ASIC4: variants seen among roughly 807,000 people sequenced by gnomAD.
ASIC4 encodes acid-sensing ion channel 4.
In ASIC4, 28 loss-of-function variants were observed where a neutral mutation model predicts 53.4. The observed-to-expected ratio is 0.52, with a 90% CI of 0.39 to 0.72. The LOEUF is 0.72. ASIC4 is among the 30% of genes least tolerant of loss of function. ASIC4 has a pLI of 0.00. For synonymous variants in ASIC4, 289 were observed against 301.4 expected (o/e 0.96, Z 0.43); for missense variants, 649 against 729.7 (o/e 0.89, Z 1.27).
At chr2:219,512,415 T>C (rs1259230306), upstream of ASIC4, among the ~76,000 whole-genome samples, 2 of 152,132 alleles carry the variant, frequency 1.3e-5, no homozygotes, top group Non-Finnish European at 2.9e-5. Context: ...AGTTTCCCGC[T>C]TTCTTGGCAA....
chr2:219,516,130 T>TCACA lies in ASIC4; in HGVS notation c.582+827_582+828insACAC, dbSNP rs138379580. 6.0e-3 allele frequency among the ~76,000 whole-genome samples: 914 copies of TCACA among 152,098 alleles called. 3 individuals are homozygous for TCACA. Among genetic ancestry groups the TCACA allele is most frequent in the African/African-American group, 7.2e-3 (300 of 41,484 alleles). On this transcript the variant is annotated intron_variant, in intron 1 of 9. Transcript: ENST00000358078. The surrounding 1 kb of genome is among the most constrained non-coding windows in gnomAD (Gnocchi z 4.9). Reference sequence around the variant, plus strand: ...CACAGTTTCCTGCACACTCCCTCTCTCACTCACTGTCCCTGTCACTACACT... The same window carrying TCACA: ...CACAGTTTCCTGCACACTCCCTCTCTCACACACTCACTGTCCCTGTCACTACACT...
rs1695183657 is a variant in ASIC4, at chr2:219,538,297, G to A, written c.*251G>A. 1.2e-5 allele frequency: 6 copies of A among 505,844 alleles called. No individual in the cohort carries two copies. In the Admixed American group the frequency reaches 1.5e-4, roughly 12 times the overall value. The allele number at this position is 505,844 out of a possible 1,614,324, so 31.3% of individuals were successfully genotyped here. ...GGCCATGGGCCCTCACGGAGAGGAA[G>A]GGAAGGAAGGAGAGGGAGGGGGAGG... On this transcript the variant is annotated 3_prime_UTR_variant, in exon 10 of 10. Transcript: ENST00000358078.
intron 5 of ASIC4, 177 bp downstream of exon 5, chr2:219,533,116 G>T (rs1366753406): frequency 4.4e-6 from 3 of 684,844 alleles, no homozygotes; most frequent in African/African-American, 1.8e-5. Flanking sequence ...ACCTCTGCAG[G>T]TACAGACACT....
chr2:219,520,088 C>T (rs1418061074), intron 1 of ASIC4, among the ~76,000 whole-genome samples: 1 of 152,074 alleles, frequency 6.6e-6, no homozygotes, highest in Non-Finnish European at 1.5e-5. Flanking sequence ...CCAGGCAGCC[C>T]CGGGGGGCCA....
At chr2:219,531,617 C>A in intron 1 of ASIC4, 141 bp from the exon 2 acceptor site, 2 of 925,264 alleles carry the variant, frequency 2.2e-6, no homozygotes, top group Non-Finnish European at 3.2e-6. Context: ...ATTGGAGAGG[C>A]TGGGCTGTAC....
At chr2:219,532,684 A>C (rs1695062860) in intron 4 of ASIC4, 199 bp from the exon 5 acceptor site, 1 of 820,450 alleles carries the variant, frequency 1.2e-6, no homozygotes, top group African/African-American at 1.7e-5. Flanking sequence ...GCCTGTGTGC[A>C]TGTTAATATG....
intron 1 of ASIC4, 117 bp downstream of exon 1, chr2:219,515,423 C>A: frequency 7.6e-7 from 1 of 1,321,456 alleles, no homozygotes; most frequent in Non-Finnish European, 1.0e-6. Context: ...CATTCCACCA[C>A]CAGAGGCTGG....
intron 1 of ASIC4, among the ~76,000 whole-genome samples, chr2:219,520,699 C>T (rs1037535110): frequency 6.6e-6 from 1 of 152,226 alleles, no homozygotes; most frequent in African/African-American, 2.4e-5. Context: ...CCCTCTGTTC[C>T]CTGTGGTCCC....
At chr2:219,531,075 G>T (rs1478311930) in intron 1 of ASIC4, among the ~76,000 whole-genome samples, 9 of 152,156 alleles carry the variant, frequency 5.9e-5, no homozygotes, top group Admixed American at 5.9e-4. Flanking sequence ...GAGGCTGGAT[G>T]TGGTGGCTCA....
Position 219,538,028 on chromosome 2 carries a change from T to C in ASIC4, c.1602T>C (p.Phe534=). Residue 534 remains phenylalanine (F), a synonymous_variant, in exon 10 of 10, where the codon TTT becomes TTC. Coordinates refer to ENST00000358078, the MANE Select transcript of ASIC4 (RefSeq NM_018674.6). ...HHPHGPPGGL[F]EDFAC is the part of the protein sequence containing the mutation. ...CCCACGGTCCCCCAGGAGGTCTCTT[T>C]GAAGATTTTGCTTGCTAGGACGGTG... 6.2e-7 allele frequency: 1 copy of C among 1,613,160 alleles called. No individual in the cohort carries two copies. Among genetic ancestry groups the C allele is most frequent in the Non-Finnish European group, 8.5e-7 (1 of 1,179,712 alleles).
At chr2:219,527,012 C>T (rs1390250000) in intron 1 of ASIC4, among the ~76,000 whole-genome samples, 1 of 152,210 alleles carries the variant, frequency 6.6e-6, no homozygotes, top group East Asian at 1.9e-4. Flanking sequence ...TTCCCCTTTC[C>T]GTGACCGGAC....
chr2:219,525,605 C>T (rs558466285), intron 1 of ASIC4, among the ~76,000 whole-genome samples: 2 of 152,314 alleles, frequency 1.3e-5, no homozygotes, highest in East Asian at 1.9e-4. Context: ...TTCTGAGCAG[C>T]GCAGACACCT....
rs1306847405 is a variant in ASIC4, at chr2:219,535,216, C to G, written c.1121C>G (p.Pro374Arg). The G allele has an allele frequency of 1.2e-6, 2 of 1,614,060 alleles. No homozygotes were observed. The highest frequency in any genetic ancestry group is 2.2e-5 in the South Asian group (2 of 91,074). Residue 374 changes from proline to arginine, a missense_variant, in exon 6 of 10, where the codon CCC becomes CGC. By Grantham distance (103) the Pro-to-Arg change is moderately radical. Transcript: ENST00000358078. The stretch of plus-strand genomic sequence containing the variant: ...GAGGGCCCGTGCTTCTGCCCCACCC[C>G]CTGCAACCTGACACGCTATGGGAAA... ...GPEGPCFCPT[P>R]CNLTRYGKEI...
intron 1 of ASIC4, among the ~76,000 whole-genome samples, 196 bp downstream of exon 1, chr2:219,515,502 G>A (rs1407633511): frequency 6.6e-6 from 1 of 152,248 alleles, no homozygotes; most frequent in Non-Finnish European, 1.5e-5. Context: ...CGCTCATAGG[G>A]GCTTACCCTG....
At chr2:219,530,491 G>A (rs1271602997) in intron 1 of ASIC4, among the ~76,000 whole-genome samples, 3 of 152,262 alleles carry the variant, frequency 2.0e-5, no homozygotes, top group Non-Finnish European at 2.9e-5. Context: ...GCTCCTGTGC[G>A]GCATACATGC....
chr2:219,512,092 GAC>G (rs1574484143), upstream of ASIC4, among the ~76,000 whole-genome samples: 1 of 152,040 alleles, frequency 6.6e-6, no homozygotes, highest in East Asian at 1.9e-4. Context: ...GACAATTGGA[GAC>G]AGCTGGCTGT....
chr2:219,512,557 G>A (rs958839433), upstream of ASIC4, among the ~76,000 whole-genome samples: 2 of 152,200 alleles, frequency 1.3e-5, no homozygotes, highest in Admixed American at 6.5e-5. Flanking sequence ...GTTCTGGAAA[G>A]GTTTGGAAGT....
At position 219,514,578 on chromosome 2, in the gene ASIC4, C is replaced by T. The variant is rs901743189; in HGVS notation, c.-147C>T. ...TGGGAGTGACTCCCCCACCTCGGGC[C>T]CCCACCCTGTCCCTGTCCTCTTCCC... On this transcript the variant is annotated 5_prime_UTR_variant, in exon 1 of 10. Coordinates refer to ENST00000358078, the MANE Select transcript of ASIC4 (RefSeq NM_018674.6). 3 of 1,582,408 alleles carry T rather than the reference C, an allele frequency of 1.9e-6. No individual in the cohort carries two copies. The highest frequency in any genetic ancestry group is 2.6e-6 in the Non-Finnish European group (3 of 1,164,494).
chr2:219,529,429 G>A (rs1248084149), intron 1 of ASIC4, among the ~76,000 whole-genome samples: 1 of 152,170 alleles, frequency 6.6e-6, no homozygotes, highest in East Asian at 1.9e-4. Flanking sequence ...CCGATATGGA[G>A]AAGAAAGGGT....
Sources: gnomAD v4.1 joint callset for allele counts (sites outside exome capture counted in the v4.1 genomes callset) on GRCh38, gnomAD v4.1.1 for gene constraint, Gnocchi (gnomAD v3.1) non-coding constraint, MANE v1.5 for transcripts, NCBI Gene and HGNC (gene_info 2026-07-23, HGNC 2026-07-21) for gene names.